SUPT3H: variants seen among roughly 807,000 people sequenced by gnomAD.
The protein encoded by SUPT3H is SPT3 homolog, SAGA and STAGA complex component.
Under a neutral mutation model 44.3 loss-of-function variants are expected in SUPT3H, and 44 were observed. That is an observed-to-expected ratio of 0.99 (90% CI 0.78 to 1.28). SUPT3H has a LOEUF of 1.28. SUPT3H is among the 50% of genes most tolerant of loss of function. SUPT3H has a pLI of 0.00. For synonymous variants in SUPT3H, 124 were observed against 125.6 expected (o/e 0.99, Z 0.09); for missense variants, 380 against 387.1 (o/e 0.98, Z 0.15).
chr6:45,128,877 C>T (rs1198237768), intron 2 of SUPT3H, among the ~76,000 whole-genome samples: 5 of 151,678 alleles, frequency 3.3e-5, no homozygotes, highest in Admixed American at 6.6e-5. Flanking sequence ...GTAGAGACAG[C>T]GTTTCACCAT....
chr6:44,960,901 A>T (rs1775933188), intron 7 of SUPT3H, among the ~76,000 whole-genome samples: 1 of 152,162 alleles, frequency 6.6e-6, no homozygotes, highest in Non-Finnish European at 1.5e-5. Flanking sequence ...GCACTTTATA[A>T]TCTATAAATG....
At chr6:45,128,929 G>A (rs1157714519) in intron 2 of SUPT3H, among the ~76,000 whole-genome samples, 2 of 151,962 alleles carry the variant, frequency 1.3e-5, no homozygotes, top group Non-Finnish European at 2.9e-5. Context: ...CAAGTGATCC[G>A]CCTGCCTCGG....
At chr6:45,238,940 T>A (rs1769753734) in intron 2 of SUPT3H, among the ~76,000 whole-genome samples, 1 of 152,212 alleles carries the variant, frequency 6.6e-6, no homozygotes, top group Non-Finnish European at 1.5e-5. Flanking sequence ...AATTGGATTC[T>A]CCCTAAAATA....
chr6:45,152,092 C>A (rs1294823756), intron 2 of SUPT3H, among the ~76,000 whole-genome samples: 2 of 152,028 alleles, frequency 1.3e-5, no homozygotes, highest in Non-Finnish European at 2.9e-5. Context: ...GCTAACTTTT[C>A]CCCAGAATTC....
In SUPT3H at chr6:45,135,238, C is replaced by G. The variant is rs1262862550; in HGVS notation, c.102-29232G>C. Among the ~76,000 whole-genome samples, 4 of 152,124 alleles carry G rather than the reference C, an allele frequency of 2.6e-5. No homozygotes were observed. The East Asian group carries it at 7.7e-4, about 29-fold the overall frequency. On this transcript the variant is annotated intron_variant, in intron 2 of 10. Coordinates refer to ENST00000371459, the MANE Select transcript of SUPT3H (RefSeq NM_003599.4). Reference sequence around the variant, plus strand: ...CTTGCCTCAAAGGTCTCTAAAAGGCCTTTGGGGTCATCTTCCCATTGTTTT... The same window carrying G: ...CTTGCCTCAAAGGTCTCTAAAAGGCGTTTGGGGTCATCTTCCCATTGTTTT...
At chr6:45,062,217 A>G (rs1792213421) in intron 3 of SUPT3H, among the ~76,000 whole-genome samples, 1 of 152,168 alleles carries the variant, frequency 6.6e-6, no homozygotes, top group Non-Finnish European at 1.5e-5. Flanking sequence ...GGGAAAAGTT[A>G]TTACATTCAT....
intron 10 of SUPT3H, among the ~76,000 whole-genome samples, chr6:44,846,007 G>A (rs1034362267): frequency 5.3e-5 from 8 of 152,102 alleles, no homozygotes; most frequent in Non-Finnish European, 8.8e-5. Flanking sequence ...TGTAACACAC[G>A]CCCACTGGGG....
intron 10 of SUPT3H, among the ~76,000 whole-genome samples, chr6:44,930,870 C>T (rs1770477711): frequency 6.6e-6 from 1 of 152,112 alleles, no homozygotes; most frequent in Admixed American, 6.6e-5. Context: ...TTTATTAGAT[C>T]CAAATTAGCT....
At chr6:45,284,921 TG>T (rs1386363295) in intron 2 of SUPT3H, among the ~76,000 whole-genome samples, 1 of 152,168 alleles carries the variant, frequency 6.6e-6, no homozygotes, top group Non-Finnish European at 1.5e-5. Flanking sequence ...ATCCCTGGGA[TG>T]GAAGGCTGGT....
intron 2 of SUPT3H, among the ~76,000 whole-genome samples, chr6:45,285,987 A>C (rs7759887): frequency 0.53 from 65,150 of 122,030 alleles, 18,212 homozygotes; most frequent in African/African-American, 0.69. Flanking sequence ...CAAAAACAAG[A>C]AATGGGGAAA....
intron 2 of SUPT3H, among the ~76,000 whole-genome samples, chr6:45,217,891 A>G (rs545034743): frequency 5.2e-4 from 55 of 106,370 alleles, no homozygotes; most frequent in Non-Finnish European, 4.8e-4. Flanking sequence ...CTCTGTCTCA[A>G]AAGAAAAAGA....
chr6:45,179,539 T>A (rs1562625347), intron 2 of SUPT3H, among the ~76,000 whole-genome samples: 1 of 152,178 alleles, frequency 6.6e-6, no homozygotes, highest in Non-Finnish European at 1.5e-5. Flanking sequence ...CATGATCAAG[T>A]GGGCTTCATC....
intron 2 of SUPT3H, among the ~76,000 whole-genome samples, chr6:45,204,546 T>C (rs1762940982): frequency 6.6e-6 from 1 of 152,184 alleles, no homozygotes. Context: ...TGCTCGTTCC[T>C]TCCACATATA....
chr6:44,929,382 A>C (rs1362391777), intron 10 of SUPT3H, among the ~76,000 whole-genome samples: 1 of 152,212 alleles, frequency 6.6e-6, no homozygotes, highest in African/African-American at 2.4e-5. Flanking sequence ...ATGGATATAT[A>C]TATACACATT....
chr6:44,960,412 T>A (rs1582767531), intron 7 of SUPT3H, among the ~76,000 whole-genome samples: 1 of 119,316 alleles, frequency 8.4e-6, no homozygotes, highest in Non-Finnish European at 1.7e-5. Context: ...AGAGTGAGAT[T>A]CCATCTCAAA....
intron 2 of SUPT3H, among the ~76,000 whole-genome samples, chr6:45,303,451 G>C (rs548402246): frequency 7.2e-5 from 11 of 152,176 alleles, no homozygotes; most frequent in African/African-American, 2.2e-4. Flanking sequence ...CCATCAAAAA[G>C]TGGGCTAAGG....
intron 1 of SUPT3H, among the ~76,000 whole-genome samples, chr6:45,366,025 G>A (rs1456018340): frequency 6.6e-6 from 1 of 151,766 alleles, no homozygotes; most frequent in African/African-American, 2.4e-5. Flanking sequence ...AAAAAAATTG[G>A]CAAGATTTAG....
At chr6:45,315,922 C>T (rs868682806) in intron 2 of SUPT3H, among the ~76,000 whole-genome samples, 3 of 145,474 alleles carry the variant, frequency 2.1e-5, no homozygotes, top group South Asian at 2.2e-4. Context: ...CTCAGATAGA[C>T]AGATAGATAG....
At chr6:45,230,476 A>G (rs1218286872) in intron 2 of SUPT3H, among the ~76,000 whole-genome samples, 5 of 150,680 alleles carry the variant, frequency 3.3e-5, no homozygotes, top group Non-Finnish European at 4.4e-5. Context: ...TTATATAATG[A>G]CCATCTTTGT....
Sources: gnomAD v4.1 joint callset for allele counts (sites outside exome capture counted in the v4.1 genomes callset) on GRCh38, gnomAD v4.1.1 for gene constraint, MANE v1.5 for transcripts, NCBI Gene and HGNC (gene_info 2026-07-23, HGNC 2026-07-21) for gene names.